The following ENO3 variants were observed in gnomAD, a reference collection of about 807,000 sequenced individuals.
The protein encoded by ENO3 is beta-enolase.
A neutral mutation model predicts 47.7 loss-of-function variants in ENO3; 46 were observed. The observed-to-expected ratio is 0.96, with a 90% CI of 0.76 to 1.23. The LOEUF is 1.23. Ranked by LOEUF, ENO3 falls within the 50% of genes most tolerant of loss-of-function variation. ENO3 has a pLI of 0.00. For missense variants in ENO3, 575 were observed against 566.2 expected (o/e 1.02, Z -0.16); for synonymous variants, 223 against 225.9 (o/e 0.99, Z 0.11).
In ENO3 at chr17:4,955,004, A is replaced by G. The variant is rs561830096; in HGVS notation, c.445-71A>G. ...AGGGAAGCCAGGTTTCCACCCCAAC[A>G]CCCCCCGCCCCTGTCCCTTCTTGAG... On this transcript the variant is annotated intron_variant, in intron 6 of 11. Coordinates refer to ENST00000519602, the MANE Select transcript of ENO3 (RefSeq NM_053013.4). 1,578 of 1,390,180 alleles carry G rather than the reference A, an allele frequency of 1.1e-3. 19 individuals are homozygous for G. The African/African-American group carries it at 0.02, about 17-fold the overall frequency. The allele number at this position is 1,390,180 out of a possible 1,614,324, so 86.1% of individuals were successfully genotyped here. A position where few individuals can be genotyped will look rare whatever the true frequency, so the allele number is the denominator to read the frequency against.
Position 4,955,147 on chromosome 17 carries a change from G to A in ENO3, c.517G>A (p.Val173Met). ...LAMQEFMILP[V>M]GASSFKEAMR... is the part of the protein sequence containing the mutation. ...CATGCAGGAGTTCATGATTCTGCCT[G>A]TGGGAGCCAGCTCCTTCAAGGAAGC... The change falls in exon 7 of 12, where the codon GTG becomes ATG. Residue 173 changes from valine to methionine, a missense_variant. Val to Met is a conservative substitution (Grantham distance 21). Transcript: ENST00000519602. 2.5e-6 allele frequency: 4 copies of A among 1,614,252 alleles called. No homozygotes were observed. The highest frequency in any genetic ancestry group is 3.4e-6 in the Non-Finnish European group (4 of 1,180,042).
upstream of ENO3, chr17:4,948,783 A>G (rs781392310): frequency 3.6e-5 from 8 of 221,974 alleles, no homozygotes; most frequent in South Asian, 1.5e-4. Flanking sequence ...GTTTGCTCCA[A>G]TTTGCACTGA....
upstream of ENO3, among the ~76,000 whole-genome samples, chr17:4,949,708 G>A (rs1190746425): frequency 6.6e-6 from 1 of 152,106 alleles, no homozygotes; most frequent in East Asian, 1.9e-4. Flanking sequence ...CCTGGGCTAG[G>A]GGCAAGGGGT....
chr17:4,951,982 T>C (rs751586316), intron 2 of ENO3, 68 bp downstream of exon 2: 1 of 1,528,980 alleles, frequency 6.5e-7, no homozygotes, highest in Non-Finnish European at 9.1e-7. Flanking sequence ...GCCCCCCAGT[T>C]CTGTGCCATA....
Position 4,955,216 on chromosome 17 carries a change from A to G in ENO3, c.586A>G (p.Ile196Val). ...GGTCTACCACCACCTCAAGGGGGTC[A>G]TCAAGGCCAAGTATGGGAAGGATGC... Reference protein sequence around the residue: ...AEVYHHLKGVIKAKYGKDATN... With the variant: ...AEVYHHLKGVVKAKYGKDATN... The change falls in exon 7 of 12, where the codon ATC becomes GTC. Residue 196 changes from isoleucine to valine, a missense_variant. Coordinates refer to ENST00000519602, the MANE Select transcript of ENO3 (RefSeq NM_053013.4). 1.2e-6 allele frequency: 2 copies of G among 1,614,238 alleles called. No individual in the cohort carries two copies. The highest frequency in any genetic ancestry group is 2.2e-5 in the East Asian group (1 of 44,884).
upstream of ENO3, among the ~76,000 whole-genome samples, chr17:4,949,943 C>T (rs1971491947): frequency 6.6e-6 from 1 of 152,038 alleles, no homozygotes; most frequent in Non-Finnish European, 1.5e-5. Flanking sequence ...CCACCGCACC[C>T]CTACCCCAGG....
At chr17:4,952,343 A>ATTTTTT in intron 2 of ENO3, 4 of 253,576 alleles carry the variant, frequency 1.6e-5, no homozygotes, top group South Asian at 6.5e-5. Context: ...CGCCCAGCTA[A>ATTTTTT]TTTTTTTTTT....
At chr17:4,954,012 A>T (rs1971640809) in intron 6 of ENO3, 167 bp downstream of exon 6, 6 of 1,043,756 alleles carry the variant, frequency 5.7e-6, no homozygotes, top group Non-Finnish European at 7.1e-6. Flanking sequence ...CTCTTCCACA[A>T]TCCAAACCTT....
intron 8 of ENO3, 116 bp from the exon 9 acceptor site, chr17:4,955,816 CCCTGTCTCTG>C: frequency 7.7e-6 from 2 of 259,218 alleles, no homozygotes; most frequent in East Asian, 1.3e-4. Context: ...CTTGTCTCTG[CCCTGTCTCTG>C]CTCTGTCTCT....
At position 4,956,661 on chromosome 17, in the gene ENO3, G is replaced by A. The variant is rs1204056226; in HGVS notation, c.1156G>A (p.Val386Met). The change falls in exon 10 of 12, where the codon GTG becomes ATG. Residue 386 changes from valine (V) to methionine (M), a missense_variant. Coordinates refer to ENST00000519602, the MANE Select transcript of ENO3 (RefSeq NM_053013.4). ...GGACACATTCATTGCTGACCTTGTG[G>A]TGGGGCTCTGCACAGGACAGGTACT... The part of the protein sequence containing the change: ...TEDTFIADLV[V>M]GLCTGQIKTG... 24 of 1,614,088 alleles carry A rather than the reference G, an allele frequency of 1.5e-5. No homozygotes were observed. The highest frequency in any genetic ancestry group is 2.0e-5 in the Non-Finnish European group (24 of 1,180,032).
rs199880042 is a variant in ENO3 at position 4,953,803 on chromosome 17, C to T, written c.402C>T (p.Ile134=). The change falls in exon 6 of 12, where the codon ATC becomes ATT. Residue 134 remains isoleucine, a synonymous_variant. Transcript: ENST00000519602. ...AGGGGGTCCCCCTGTACCGCCACATCGCAGATCTCGCTGGGAACCCTGACC... is the reference window on the plus strand; with the variant it reads ...AGGGGGTCCCCCTGTACCGCCACATTGCAGATCTCGCTGGGAACCCTGACC... ...AEKGVPLYRH[I]ADLAGNPDLI... 1.9e-5 allele frequency: 31 copies of T among 1,614,196 alleles called. No homozygotes were observed. The African/African-American group carries it at 2.8e-4, about 15-fold the overall frequency.
intron 6 of ENO3, 55 bp downstream of exon 6, chr17:4,953,900 C>G: frequency 6.2e-7 from 1 of 1,613,238 alleles, no homozygotes; most frequent in Non-Finnish European, 8.5e-7. Flanking sequence ...CCAACCCCGC[C>G]CAGCCAGGGT....
In ENO3 at chr17:4,951,368, G is replaced by A. The variant is rs570974547; in HGVS notation, c.-3+186G>A. On this transcript the variant is annotated intron_variant, in intron 1 of 11. Transcript: ENST00000519602. ...CTCTGGGAACACCGAAGGATCTAGG[G>A]AAAGGAGGCTGTGAGGAGGGCAGCA... 160 of 890,856 alleles carry A rather than the reference G, an allele frequency of 1.8e-4. No individual in the cohort carries two copies. The Middle Eastern group carries it at 3.7e-3, about 20-fold the overall frequency. The allele number at this position is 890,856 out of a possible 1,614,324, so 55.2% of individuals were successfully genotyped here.
chr17:4,956,484 C>A, intron 9 of ENO3, 89 bp from the exon 10 acceptor site: 1 of 1,309,458 alleles, frequency 7.6e-7, no homozygotes, highest in Non-Finnish European at 1.1e-6. Flanking sequence ...GTGCTTGCTA[C>A]CCAAAACAGA....
chr17:4,954,864 T>A (rs1455987751), intron 6 of ENO3, among the ~76,000 whole-genome samples: 1 of 134,270 alleles, frequency 7.4e-6, no homozygotes, highest in African/African-American at 2.9e-5. Context: ...GCCATTGCAC[T>A]CCAGCCTGGT....
At position 4,953,085 on chromosome 17, in the gene ENO3, T is replaced by C; in HGVS notation, c.216T>C (p.Thr72=). Residue 72 remains threonine, a synonymous_variant, in exon 4 of 12, where the codon ACT becomes ACC. Transcript: ENST00000519602. ...VLKAVENINN[T]LGPALLQKKL... The stretch of plus-strand genomic sequence containing the variant: ...AGGCTGTGGAGAACATCAACAATAC[T>C]CTGGGCCCTGCTCTGCTGCAAAAGG... The C allele has an allele frequency of 1.2e-6, 2 of 1,614,170 alleles. No homozygotes were observed. The highest frequency in any genetic ancestry group is 1.7e-6 in the Non-Finnish European group (2 of 1,180,036).
rs761857323 is a variant in ENO3 at position 4,956,553 on chromosome 17, C to T, written c.1068-20C>T. The T allele has an allele frequency of 6.2e-7, 1 of 1,613,642 alleles. No individual in the cohort carries two copies. Among genetic ancestry groups the T allele is most frequent in the Non-Finnish European group, 8.5e-7 (1 of 1,179,502 alleles). On this transcript the variant is annotated intron_variant, in intron 9 of 11. Coordinates refer to ENST00000519602, the MANE Select transcript of ENO3 (RefSeq NM_053013.4). ...CTGAGGAGGTTCTAGAAGGCCACAT[C>T]AAATGTCCTCTCCACTCAGGTGCAA...
chr17:4,956,511 C>G (rs1597705777), intron 9 of ENO3, 62 bp from the exon 10 acceptor site: 2 of 1,556,928 alleles, frequency 1.3e-6, no homozygotes, highest in East Asian at 4.5e-5. Context: ...AGGCCCCACC[C>G]AACCCCTGCT....
intron 9 of ENO3, 105 bp downstream of exon 9, chr17:4,956,248 G>A: frequency 7.4e-7 from 1 of 1,344,864 alleles, no homozygotes; most frequent in Non-Finnish European, 1.0e-6. Context: ...CCTTTCCCCT[G>A]GCACCTGACT....
Sources: gnomAD v4.1 joint callset for allele counts (sites outside exome capture counted in the v4.1 genomes callset) on GRCh38, gnomAD v4.1.1 for gene constraint, MANE v1.5 for transcripts, NCBI Gene and HGNC (gene_info 2026-07-23, HGNC 2026-07-21) for gene names.